CTNNA1: variants seen among roughly 807,000 people sequenced by gnomAD.
CTNNA1 encodes catenin alpha-1.
Under a neutral mutation model 98.4 loss-of-function variants are expected in CTNNA1, and 37 were observed. That is an observed-to-expected ratio of 0.38 (90% CI 0.29 to 0.49). CTNNA1 has a LOEUF of 0.49. Ranked by LOEUF, CTNNA1 falls within the 20% of genes least tolerant of loss-of-function variation. CTNNA1 has a pLI of 0.95. For synonymous variants in CTNNA1, 404 were observed against 413.2 expected (o/e 0.98, Z 0.27); for missense variants, 761 against 1,147.2 (o/e 0.66, Z 4.86).
chr5:138,866,231 A>G (rs956820153), intron 7 of CTNNA1, among the ~76,000 whole-genome samples: 3 of 152,052 alleles, frequency 2.0e-5, no homozygotes, highest in African/African-American at 7.2e-5. Flanking sequence ...TTTTGGTACA[A>G]TGATTTTCCA....
chr5:138,816,491 A>G (rs1759444781), intron 5 of CTNNA1, among the ~76,000 whole-genome samples: 4 of 152,208 alleles, frequency 2.6e-5, no homozygotes, highest in South Asian at 2.1e-4. Flanking sequence ...CATTCCCACC[A>G]TCAGTGTATA....
chr5:138,810,914 A>T (rs6596451), intron 4 of CTNNA1, among the ~76,000 whole-genome samples: 94,910 of 142,330 alleles, frequency 0.67, 30,893 homozygotes, highest in East Asian at 0.93. Flanking sequence ...CTGGCCGGGC[A>T]GGGGGCTGAC....
chr5:138,845,807 G>T (rs1384035826), intron 7 of CTNNA1, among the ~76,000 whole-genome samples: 3 of 151,970 alleles, frequency 2.0e-5, no homozygotes, highest in Non-Finnish European at 4.4e-5. Flanking sequence ...GAGTATGATT[G>T]CCATGTCCTG....
chr5:138,934,290 C>G lies in CTNNA1; in HGVS notation c.*201C>G, dbSNP rs770732571. 9 of 545,416 alleles carry G rather than the reference C, an allele frequency of 1.7e-5. No homozygotes were observed. The highest frequency in any genetic ancestry group is 3.8e-5 in the African/African-American group (2 of 52,538). 33.8% of individuals were successfully genotyped at this position (545,416 alleles called of 1,614,324 possible). A position where few individuals can be genotyped will look rare whatever the true frequency, so the allele number is the denominator to read the frequency against. ...GCTTTTAGAATGCAGGAGCCTACTT[C>G]TAGCTGTATTTTTTGTATGCTTAAA... On this transcript the variant is annotated 3_prime_UTR_variant, in exon 18 of 18. Coordinates refer to ENST00000302763, the MANE Select transcript of CTNNA1 (RefSeq NM_001903.5).
At chr5:138,840,389 C>G (rs1296180712) in intron 7 of CTNNA1, among the ~76,000 whole-genome samples, 3 of 152,174 alleles carry the variant, frequency 2.0e-5, no homozygotes, top group Non-Finnish European at 2.9e-5. Flanking sequence ...TCTCCCTCTC[C>G]TCTCGTGTGT....
chr5:138,918,599 A>G (rs186486427), intron 11 of CTNNA1, among the ~76,000 whole-genome samples: 1 of 152,256 alleles, frequency 6.6e-6, no homozygotes, highest in African/African-American at 2.4e-5. Context: ...TAAACTGGTA[A>G]TGACTTAGTA....
chr5:138,810,203 T>A lies in CTNNA1; in HGVS notation c.467T>A (p.Val156Asp). 6.2e-7 allele frequency: 1 copy of A among 1,613,820 alleles called. No individual in the cohort carries two copies. Among genetic ancestry groups the A allele is most frequent in the Non-Finnish European group, 8.5e-7 (1 of 1,179,710 alleles). Residue 156 changes from valine to aspartate, a missense_variant and splice_region_variant, in exon 4 of 18, where the codon GTT becomes GAT. By Grantham distance (152) the Val-to-Asp change is radical (BLOSUM62 -3). Around this residue, in one of 6 missense-constraint regions of CTNNA1, gnomAD observed 328 missense variants for 354.3 expected, o/e 0.93. Coordinates refer to ENST00000302763, the MANE Select transcript of CTNNA1 (RefSeq NM_001903.5). ...TACAAATTACTTGTTCAGCTGAAAG[T>A]TGTAAGTATACAGGCCTATGTCTGT... ...DVYKLLVQLK[V>D]VEDGILKLRN...
intron 10 of CTNNA1, among the ~76,000 whole-genome samples, chr5:138,914,518 C>A (rs1761323529): frequency 6.6e-6 from 1 of 152,072 alleles, no homozygotes; most frequent in South Asian, 2.1e-4. Flanking sequence ...ATTAATAGTT[C>A]ATAAACTGGG....
chr5:138,884,595 A>AGTAT (rs1753623225), intron 7 of CTNNA1, among the ~76,000 whole-genome samples: 1 of 152,220 alleles, frequency 6.6e-6, no homozygotes, highest in Admixed American at 6.5e-5. Context: ...ATGTTATACT[A>AGTAT]GAGTCCATTT....
chr5:138,925,538 A>T, intron 13 of CTNNA1, 131 bp downstream of exon 13: 50 of 1,297,676 alleles, frequency 3.9e-5, no homozygotes, highest in Non-Finnish European at 5.2e-5. Flanking sequence ...AAGCTGTTAG[A>T]ATGAGATATA....
chr5:138,861,004 G>C (rs1395501186), intron 7 of CTNNA1, among the ~76,000 whole-genome samples: 5 of 152,056 alleles, frequency 3.3e-5, no homozygotes, highest in Non-Finnish European at 7.4e-5. Context: ...AGGTAGCGCT[G>C]TCAAGGCACT....
rs1370565079 is a variant in CTNNA1 at position 138,874,347 on chromosome 5, G to T, written c.1063-11865G>T. 6.2e-7 allele frequency: 1 copy of T among 1,613,924 alleles called. No homozygotes were observed. Among genetic ancestry groups the T allele is most frequent in the Admixed American group, 1.7e-5 (1 of 60,010 alleles). On this transcript the variant is annotated intron_variant, in intron 7 of 17. Transcript: ENST00000302763. The surrounding 1 kb of genome is among the most constrained non-coding windows in gnomAD (Gnocchi z 4.1). ...TGATCTCTTTCGAGCTCTGTGATGT[G>T]ATTGTGCCTCAGGGACAGGCCCAGA... is the stretch of plus-strand genomic sequence containing the variant.
chr5:138,886,223 A>G lies in CTNNA1; in HGVS notation c.1074A>G (p.Lys358=). 6.2e-7 allele frequency: 1 copy of G among 1,610,644 alleles called. No individual in the cohort carries two copies. The highest frequency in any genetic ancestry group is 1.1e-5 in the South Asian group (1 of 90,448). Reference sequence around the variant, plus strand: ...TTCCTTTTATCCAGGCTGGACGTAAAGAAAGAAGTGATGCACTCAATTCTG... The same window carrying G: ...TTCCTTTTATCCAGGCTGGACGTAAGGAAAGAAGTGATGCACTCAATTCTG... ...LSEYMGNAGR[K]ERSDALNSAI... The change falls in exon 8 of 18, where the codon AAA becomes AAG. Residue 358 remains lysine (K), a synonymous_variant. Transcript: ENST00000302763.
In CTNNA1 at chr5:138,934,165, C is replaced by A; in HGVS notation, c.*76C>A. ...ACTGTTCGTCACTCAAATGAATTTG[C>A]TAAATACAACACTGATACTAGATTC... On this transcript the variant is annotated 3_prime_UTR_variant, in exon 18 of 18. Coordinates refer to ENST00000302763, the MANE Select transcript of CTNNA1 (RefSeq NM_001903.5). The A allele has an allele frequency of 9.2e-7, 1 of 1,092,240 alleles. No homozygotes were observed. The highest frequency in any genetic ancestry group is 1.5e-5 in the South Asian group (1 of 68,672). 67.7% of individuals were successfully genotyped at this position (1,092,240 alleles called of 1,614,324 possible).
intron 2 of CTNNA1, chr5:138,782,360 C>T (rs1412220256): frequency 4.2e-6 from 2 of 471,790 alleles, no homozygotes; most frequent in East Asian, 1.3e-4. Flanking sequence ...TAAGGTCTCT[C>T]ACTCTGCTTA....
chr5:138,784,747 A>G (rs372510993), intron 3 of CTNNA1, among the ~76,000 whole-genome samples: 1 of 152,188 alleles, frequency 6.6e-6, no homozygotes, highest in African/African-American at 2.4e-5. Flanking sequence ...GAATCTGTGG[A>G]TGCCTCTTTC....
rs546507328 is a variant in CTNNA1 at position 138,934,407 on chromosome 5, C to T, written c.*318C>T. The T allele has an allele frequency of 3.6e-5, 10 of 279,824 alleles. No homozygotes were observed. The highest frequency in any genetic ancestry group is 1.5e-4 in the South Asian group (3 of 20,202). 17.3% of individuals were successfully genotyped at this position (279,824 alleles called of 1,614,324 possible). A position where few individuals can be genotyped will look rare whatever the true frequency, so the allele number is the denominator to read the frequency against. On this transcript the variant is annotated 3_prime_UTR_variant, in exon 18 of 18. Coordinates refer to ENST00000302763, the MANE Select transcript of CTNNA1 (RefSeq NM_001903.5). ...GAGATGCCCATTCTCTTAGTGATGGCGGCGTTAGGGTTTGAGAGAAGGGAA... is the reference window on the plus strand; with the variant it reads ...GAGATGCCCATTCTCTTAGTGATGGTGGCGTTAGGGTTTGAGAGAAGGGAA...
intron 1 of CTNNA1, among the ~76,000 whole-genome samples, chr5:138,769,581 G>A (rs1035698179): frequency 2.0e-5 from 3 of 151,780 alleles, no homozygotes; most frequent in Non-Finnish European, 2.9e-5. Flanking sequence ...TGCCCAGGCC[G>A]GAGTGCAATG....
At chr5:138,842,623 A>AT (rs1410060739) in intron 7 of CTNNA1, among the ~76,000 whole-genome samples, 1 of 152,110 alleles carries the variant, frequency 6.6e-6, no homozygotes, top group East Asian at 1.9e-4. Context: ...GAGGTTGCAA[A>AT]TTTTTTGTTG....
Sources: allele counts gnomAD v4.1 joint callset (sites outside exome capture counted in the v4.1 genomes callset), GRCh38; gene constraint gnomAD v4.1.1; regional missense constraint gnomAD v4.1.1; non-coding constraint Gnocchi (gnomAD v3.1); transcripts MANE v1.5; gene names NCBI Gene and HGNC (gene_info 2026-07-23, HGNC 2026-07-21).